The following EHBP1 variants were observed in gnomAD, a reference collection of about 807,000 sequenced individuals.
EHBP1 encodes EH domain-binding protein 1.
A neutral mutation model predicts 144.0 loss-of-function variants in EHBP1; 55 were observed. The observed-to-expected ratio is 0.38, with a 90% CI of 0.31 to 0.48. EHBP1 has a LOEUF of 0.48. Among genes scored for constraint, EHBP1 ranks in the 20% least tolerant of loss-of-function variants. The pLI, the probability that EHBP1 is intolerant of heterozygous loss-of-function variation, is 0.98. For synonymous variants in EHBP1, 469 were observed against 472.7 expected, an observed-to-expected ratio of 0.99 and a Z score of 0.10; for missense variants, 1,200 against 1,364.2, an observed-to-expected ratio of 0.88 and a Z score of 1.90.
At chr2:62,745,029 A>C (rs986841041) in intron 2 of EHBP1, among the ~76,000 whole-genome samples, 3 of 152,166 alleles carry the variant, frequency 2.0e-5, no homozygotes, top group East Asian at 1.9e-4. Context: ...TTTAATGTGC[A>C]GCAAGAATAA....
chr2:62,978,149 A>G (rs1184189402), intron 14 of EHBP1, among the ~76,000 whole-genome samples: 1 of 151,714 alleles, frequency 6.6e-6, no homozygotes, highest in Non-Finnish European at 1.5e-5. Flanking sequence ...ATGCTTTTCA[A>G]TTTACAAAGC....
intron 7 of EHBP1, among the ~76,000 whole-genome samples, chr2:62,836,815 G>C (rs1156821900): frequency 6.6e-6 from 1 of 150,946 alleles, no homozygotes; most frequent in Non-Finnish European, 1.5e-5. Context: ...AATGAGCAAA[G>C]CCTCCAAGAA....
intron 19 of EHBP1, among the ~76,000 whole-genome samples, chr2:63,002,997 A>T (rs377193064): frequency 6.6e-6 from 1 of 151,982 alleles, no homozygotes; most frequent in Admixed American, 6.6e-5. Context: ...CTCATTTCTT[A>T]TCCTACAAGT....
chr2:62,951,376 A>G (rs940419989), intron 13 of EHBP1, among the ~76,000 whole-genome samples: 2 of 152,170 alleles, frequency 1.3e-5, no homozygotes, highest in Non-Finnish European at 2.9e-5. Context: ...TAAACCTCAA[A>G]TCAAAAGTCC....
chr2:62,915,075 C>T (rs2054504303), intron 10 of EHBP1, among the ~76,000 whole-genome samples: 1 of 151,832 alleles, frequency 6.6e-6, no homozygotes, highest in Admixed American at 6.6e-5. Flanking sequence ...GTTGGCATTC[C>T]TAGATCGGCA....
chr2:62,863,905 G>C (rs1366086958), intron 8 of EHBP1, among the ~76,000 whole-genome samples: 1 of 121,400 alleles, frequency 8.2e-6, no homozygotes, highest in African/African-American at 3.1e-5. Flanking sequence ...ATAGTTCAGT[G>C]GCGCAGTCTC....
At chr2:62,723,385 G>GACTTCA (rs1365496278) in intron 2 of EHBP1, among the ~76,000 whole-genome samples, 2 of 152,032 alleles carry the variant, frequency 1.3e-5, no homozygotes, top group Admixed American at 6.6e-5. Context: ...CATTGCATGT[G>GACTTCA]AGGTGGGTCT....
At chr2:62,971,228 A>G (rs1232366537) in intron 14 of EHBP1, among the ~76,000 whole-genome samples, 4 of 152,186 alleles carry the variant, frequency 2.6e-5, no homozygotes, top group Admixed American at 6.5e-5. Flanking sequence ...GGATTGAAAC[A>G]GGGCTCTTTT....
intron 1 of EHBP1, among the ~76,000 whole-genome samples, chr2:62,688,755 C>T (rs1425509945): frequency 1.3e-5 from 2 of 152,130 alleles, no homozygotes; most frequent in South Asian, 2.1e-4. Context: ...TTTGCCTTTC[C>T]TCCTACCCAG....
rs114350128 is a variant in EHBP1 at position 62,895,534 on chromosome 2, G to A, written c.1185+21002G>A. On this transcript the variant is annotated intron_variant, in intron 10 of 22. Coordinates refer to ENST00000431489, the MANE Select transcript of EHBP1 (RefSeq NM_001142616.3). ...ATCTTGGGTCCACAGTTGTAAAACA[G>A]AACTGGAGCTCACTCTGTTGGTTTC... 7.4e-3 allele frequency among the ~76,000 whole-genome samples: 1,134 copies of A among 152,270 alleles called. 11 individuals carry two copies. The highest frequency in any genetic ancestry group is 0.026 in the African/African-American group (1,062 of 41,542).
chr2:62,704,324 ATC>A (rs1310768485), upstream of EHBP1, among the ~76,000 whole-genome samples: 2 of 152,212 alleles, frequency 1.3e-5, no homozygotes, highest in African/African-American at 4.8e-5. Context: ...CAAGCCTTAT[ATC>A]TGTCTCCCCA....
intron 21 of EHBP1, among the ~76,000 whole-genome samples, chr2:63,041,643 A>C (rs2061663166): frequency 6.6e-6 from 1 of 152,178 alleles, no homozygotes; most frequent in African/African-American, 2.4e-5. Context: ...TAGCTTTGTT[A>C]CACAGTACAG....
At chr2:62,859,600 C>G (rs2049344032) in intron 8 of EHBP1, among the ~76,000 whole-genome samples, 1 of 152,158 alleles carries the variant, frequency 6.6e-6, no homozygotes, top group Admixed American at 6.5e-5. Context: ...GGTAGCTTCT[C>G]TATATGGATC....
At chr2:62,940,131 A>G in intron 10 of EHBP1, 1 of 411,626 alleles carries the variant, frequency 2.4e-6, no homozygotes, top group Admixed American at 2.7e-5. Context: ...TACAAGAAAA[A>G]CGCCTGTGGT....
intron 10 of EHBP1, among the ~76,000 whole-genome samples, chr2:62,929,513 A>G (rs1427963404): frequency 6.6e-6 from 1 of 152,198 alleles, no homozygotes; most frequent in Non-Finnish European, 1.5e-5. Flanking sequence ...CATTTGATAG[A>G]ATTCTATACC....
intron 10 of EHBP1, among the ~76,000 whole-genome samples, chr2:62,929,896 A>G (rs1247467416): frequency 6.6e-6 from 1 of 152,144 alleles, no homozygotes; most frequent in Non-Finnish European, 1.5e-5. Context: ...AATCCGTTGT[A>G]TTTCTATATA....
rs187997983 is a variant in EHBP1, at chr2:62,973,604, C to T, written c.2461-5584C>T. Among the ~76,000 whole-genome samples the T allele has an allele frequency of 9.8e-5, 15 of 152,314 alleles. No individual in the cohort carries two copies. In the East Asian group the frequency reaches 2.9e-3, roughly 29 times the overall value. On this transcript the variant is annotated intron_variant, in intron 14 of 22. Coordinates refer to ENST00000431489, the MANE Select transcript of EHBP1 (RefSeq NM_001142616.3). ...AATTAAATATTATGCACATAAAGCA[C>T]ATAGCACATAAATGCTCAGGAGATA...
At chr2:62,984,217 C>T (rs2059095580) in intron 15 of EHBP1, among the ~76,000 whole-genome samples, 2 of 151,748 alleles carry the variant, frequency 1.3e-5, no homozygotes, top group Admixed American at 6.6e-5. Flanking sequence ...CAGATATTCT[C>T]TCTCTCTCTC....
chr2:62,993,591 C>T lies in EHBP1; in HGVS notation c.2795C>T (p.Pro932Leu), dbSNP rs2059501481. 1 of 1,609,762 alleles carries T rather than the reference C, an allele frequency of 6.2e-7. No homozygotes were observed. Among genetic ancestry groups the T allele is most frequent in the African/African-American group, 1.3e-5 (1 of 74,788 alleles). Residue 932 changes from proline to leucine, a missense_variant, in exon 17 of 23, where the codon CCT becomes CTT. This residue lies in a region of EHBP1 where 543 missense variants were observed against 513.1 expected (regional missense o/e 1.06). Coordinates refer to ENST00000431489, the MANE Select transcript of EHBP1 (RefSeq NM_001142616.3). ...LQKTTERFRN[P>L]VVFSKDSTVR... ...AAAACAACAGAACGTTTTAGAAATCCTGTTGTGTTCAGCAAAGATTCTACA... is the reference window on the plus strand; with the variant it reads ...AAAACAACAGAACGTTTTAGAAATCTTGTTGTGTTCAGCAAAGATTCTACA...
Sources: gnomAD v4.1 joint callset for allele counts (sites outside exome capture counted in the v4.1 genomes callset) on GRCh38, gnomAD v4.1.1 for gene constraint, gnomAD v4.1.1 regional missense constraint, MANE v1.5 for transcripts, NCBI Gene and HGNC (gene_info 2026-07-23, HGNC 2026-07-21) for gene names.